The following CSMD1 variants were observed in gnomAD, a reference collection of about 807,000 sequenced individuals.
The protein encoded by CSMD1 is CUB and Sushi multiple domains 1, also known as CUB and sushi domain-containing protein 1.
In CSMD1, 213 loss-of-function variants were observed where a neutral mutation model predicts 417.5. The observed-to-expected ratio is 0.51, with a 90% confidence interval of 0.46 to 0.57. The LOEUF (loss-of-function observed/expected upper bound fraction) is 0.57. Among genes scored for constraint, CSMD1 ranks in the 20% least tolerant of loss-of-function variants. The pLI is 0.00. For synonymous variants in CSMD1, 2,862 were observed against 1,736.8 expected (o/e 1.65, Z -16.11); for missense variants, 6,923 against 4,529.7 (o/e 1.53, Z -15.17).
chr8:4,881,399 T>C (rs981883063), intron 1 of CSMD1, among the ~76,000 whole-genome samples: 4 of 151,594 alleles, frequency 2.6e-5, no homozygotes, highest in East Asian at 3.9e-4. Flanking sequence ...TGAACAAATA[T>C]ACCTAGTATA....
chr8:4,106,984 A>G (rs1801601572), intron 3 of CSMD1, among the ~76,000 whole-genome samples: 1 of 152,198 alleles, frequency 6.6e-6, no homozygotes, highest in Non-Finnish European at 1.5e-5. Flanking sequence ...GACTCAGCAG[A>G]TGGGCCTTAG....
intron 26 of CSMD1, among the ~76,000 whole-genome samples, chr8:3,235,272 A>T (rs1266835348): frequency 6.6e-6 from 1 of 152,200 alleles, no homozygotes; most frequent in African/African-American, 2.4e-5. Flanking sequence ...TAATTTTTAA[A>T]ACCAAGATGT....
At chr8:3,550,308 C>A (rs1415006111) in intron 10 of CSMD1, among the ~76,000 whole-genome samples, 2 of 152,134 alleles carry the variant, frequency 1.3e-5, no homozygotes, top group Non-Finnish European at 2.9e-5. Context: ...TAATTCCCAC[C>A]TTTTTGGCAT....
chr8:4,605,294 G>T (rs1380541460), intron 2 of CSMD1, among the ~76,000 whole-genome samples: 1 of 152,026 alleles, frequency 6.6e-6, no homozygotes. Context: ...AGAAGAAGAA[G>T]AAGAAATTTT....
intron 3 of CSMD1, among the ~76,000 whole-genome samples, chr8:4,379,472 A>T (rs1802963652): frequency 6.6e-6 from 1 of 152,202 alleles, no homozygotes; most frequent in Admixed American, 6.5e-5. Flanking sequence ...TAATGTCTTC[A>T]GTTTTGACAA....
chr8:3,516,066 T>A (rs983094706), intron 10 of CSMD1, among the ~76,000 whole-genome samples: 2 of 152,040 alleles, frequency 1.3e-5, no homozygotes, highest in Non-Finnish European at 2.9e-5. Context: ...ACTGTAGAAC[T>A]GGGAAACTGG....
intron 23 of CSMD1, among the ~76,000 whole-genome samples, chr8:3,325,422 T>G (rs193019040): frequency 6.6e-6 from 1 of 152,250 alleles, no homozygotes; most frequent in African/African-American, 2.4e-5. Context: ...TTGAGTTGGA[T>G]CCTCATAATT....
chr8:3,477,298 T>C (rs1056439639), intron 11 of CSMD1, among the ~76,000 whole-genome samples: 15 of 152,156 alleles, frequency 9.9e-5, no homozygotes, highest in South Asian at 4.1e-4. Context: ...CAGTTGAAAA[T>C]TTGACAATGG....
At chr8:3,839,162 C>G (rs1345669971) in intron 5 of CSMD1, among the ~76,000 whole-genome samples, 2 of 121,500 alleles carry the variant, frequency 1.6e-5, no homozygotes, top group East Asian at 4.6e-4. Context: ...ATCTATAGTC[C>G]CTCTCTCTAT....
chr8:4,077,366 G>A (rs539227995), intron 3 of CSMD1, among the ~76,000 whole-genome samples: 2 of 139,512 alleles, frequency 1.4e-5, no homozygotes, highest in African/African-American at 2.8e-5. Context: ...TTTATCAGAG[G>A]TATCTTTTAA....
rs1803191975 is a variant in CSMD1 at position 4,517,537 on chromosome 8, TC to T, written c.303-97473del. ...TGCTTAATAACTACTGATTTCTAAC[TC>T]CCTTTACTGCTTTATTCTACAGCAG... is the stretch of plus-strand genomic sequence containing the variant. On this transcript the variant is annotated intron_variant, in intron 2 of 69. Coordinates refer to ENST00000635120, the MANE Select transcript of CSMD1 (RefSeq NM_033225.6). 3.9e-5 allele frequency among the ~76,000 whole-genome samples: 6 copies of T among 152,318 alleles called. No individual in the cohort carries two copies. The South Asian group carries it at 1.2e-3, about 32-fold the overall frequency.
chr8:3,337,773 C>A (rs57040014), intron 23 of CSMD1, among the ~76,000 whole-genome samples: 16 of 152,118 alleles, frequency 1.1e-4, no homozygotes, highest in Non-Finnish European at 1.9e-4. Context: ...GAAAGTCAGC[C>A]TATAGGGATC....
chr8:4,021,620 T>C (rs954719086), intron 4 of CSMD1, among the ~76,000 whole-genome samples: 5 of 152,204 alleles, frequency 3.3e-5, no homozygotes, highest in Non-Finnish European at 5.9e-5. Context: ...TTATCACATG[T>C]AGCTGCTCTT....
At chr8:4,021,518 G>A (rs867175686) in intron 4 of CSMD1, among the ~76,000 whole-genome samples, 1 of 152,166 alleles carries the variant, frequency 6.6e-6, no homozygotes, top group Admixed American at 6.5e-5. Flanking sequence ...CCTCAGTAGA[G>A]TGTGGATGCT....
intron 1 of CSMD1, among the ~76,000 whole-genome samples, chr8:4,800,951 T>C (rs955078701): frequency 2.0e-5 from 3 of 152,236 alleles, no homozygotes; most frequent in African/African-American, 7.2e-5. Context: ...TGTTATTTTT[T>C]AAAAGCAGAC....
intron 1 of CSMD1, among the ~76,000 whole-genome samples, chr8:4,910,952 C>G (rs917777348): frequency 3.3e-5 from 5 of 152,108 alleles, no homozygotes; most frequent in Admixed American, 2.0e-4. Flanking sequence ...CTGTTCTCAC[C>G]TAGTGAATAA....
intron 5 of CSMD1, among the ~76,000 whole-genome samples, chr8:3,809,633 G>A (rs758123746): frequency 3.3e-4 from 50 of 152,064 alleles, no homozygotes; most frequent in African/African-American, 1.1e-3. Flanking sequence ...CTCTGGTGGC[G>A]GCTAAGAATT....
chr8:4,755,936 T>A (rs1469166446), intron 1 of CSMD1, among the ~76,000 whole-genome samples: 1 of 152,206 alleles, frequency 6.6e-6, no homozygotes, highest in African/African-American at 2.4e-5. Flanking sequence ...ACACATTACC[T>A]AAAACACTGG....
At chr8:4,138,037 C>G (rs1246028839) in intron 3 of CSMD1, among the ~76,000 whole-genome samples, 3 of 137,420 alleles carry the variant, frequency 2.2e-5, no homozygotes, top group East Asian at 2.1e-4. Flanking sequence ...GCCACCATGC[C>G]CGGCTAATTT....
Sources: gnomAD v4.1 joint callset for allele counts (sites outside exome capture counted in the v4.1 genomes callset) on GRCh38, gnomAD v4.1.1 for gene constraint, MANE v1.5 for transcripts, NCBI Gene and HGNC (gene_info 2026-07-23, HGNC 2026-07-21) for gene names.